Variants in ADGRV1 observed in about 807,000 individuals in gnomAD.
ADGRV1 encodes the protein adhesion G protein-coupled receptor V1.
ADGRV1 carries 359 observed loss-of-function variants against 596.2 expected under a neutral mutation model. The ratio of observed to expected loss-of-function variants is 0.60; its 90% CI spans 0.55 to 0.66. The LOEUF (loss-of-function observed/expected upper bound fraction) is 0.66, where lower values mean the gene tolerates loss of function less well. Ranked by LOEUF, ADGRV1 falls within the 30% of genes least tolerant of loss-of-function variation. The pLI is 0.00. For missense variants in ADGRV1, 7,274 were observed against 7,575.6 expected (o/e 0.96, Z 1.48); for synonymous variants, 2,681 against 2,679.2 (o/e 1.00, Z -0.02).
At chr5:90,695,959 A>G (rs910725843) in intron 33 of ADGRV1, among the ~76,000 whole-genome samples, 6 of 152,190 alleles carry the variant, frequency 3.9e-5, no homozygotes, top group Non-Finnish European at 8.8e-5. Flanking sequence ...AGCATTATAT[A>G]AATTACCATT....
At chr5:90,612,592 G>A (rs1168338899) in intron 1 of ADGRV1, among the ~76,000 whole-genome samples, 2 of 151,916 alleles carry the variant, frequency 1.3e-5, no homozygotes, top group Non-Finnish European at 2.9e-5. Flanking sequence ...TGCTATGCTC[G>A]CCTTCTTCAT....
chr5:91,002,051 T>G (rs10942623), intron 85 of ADGRV1, among the ~76,000 whole-genome samples: 92,910 of 151,984 alleles, frequency 0.61, 29,120 homozygotes, highest in African/African-American at 0.75. Context: ...TTCCATTTAG[T>G]TAAATTTTTT....
intron 83 of ADGRV1, among the ~76,000 whole-genome samples, chr5:90,865,160 G>A (rs1345595914): frequency 2.0e-5 from 3 of 152,058 alleles, no homozygotes; most frequent in African/African-American, 7.2e-5. Flanking sequence ...AAGGCCCTAT[G>A]AGCTATGAGA....
At chr5:91,161,537 A>G (rs1443084546) in intron 89 of ADGRV1, among the ~76,000 whole-genome samples, 3 of 137,950 alleles carry the variant, frequency 2.2e-5, no homozygotes, top group African/African-American at 7.8e-5. Context: ...AAGAGAAACC[A>G]GAAATCTGAT....
rs757541691 is a variant in ADGRV1 at position 90,681,460 on chromosome 5, T to C, written c.5664+6T>C. The C allele has an allele frequency of 6.2e-7, 1 of 1,603,878 alleles. No homozygotes were observed. The highest frequency in any genetic ancestry group is 1.3e-5 in the African/African-American group (1 of 74,676). ...ATAGCACTGTTACATTAAATGTGAG[T>C]ACCTTTTCTTCCTTCATTCCTAGAC... On this transcript the variant is annotated splice_donor_region_variant and intron_variant, in intron 27 of 89. Transcript: ENST00000405460.
intron 83 of ADGRV1, among the ~76,000 whole-genome samples, chr5:90,876,087 A>G (rs1169560087): frequency 6.6e-6 from 1 of 152,016 alleles, no homozygotes; most frequent in East Asian, 1.9e-4. Context: ...TGATTAATCT[A>G]CTCTTAGTTT....
chr5:90,757,261 A>T, intron 57 of ADGRV1, 100 bp downstream of exon 57: 1 of 854,140 alleles, frequency 1.2e-6, no homozygotes, highest in Non-Finnish European at 1.9e-6. Flanking sequence ...TAAATGCATT[A>T]TACTCTAAAT....
chr5:90,973,328 G>A (rs1473578819), intron 84 of ADGRV1, among the ~76,000 whole-genome samples: 7 of 152,184 alleles, frequency 4.6e-5, no homozygotes, highest in African/African-American at 1.7e-4. Flanking sequence ...CAGAAAAAGA[G>A]GGAATCCTCC....
intron 85 of ADGRV1, among the ~76,000 whole-genome samples, chr5:91,042,965 T>G (rs1423449392): frequency 6.6e-6 from 1 of 152,026 alleles, no homozygotes; most frequent in Non-Finnish European, 1.5e-5. Flanking sequence ...ACAAACAAGC[T>G]ATATTTCGAG....
At chr5:90,801,462 A>G (rs1761363404) in intron 70 of ADGRV1, among the ~76,000 whole-genome samples, 1 of 152,072 alleles carries the variant, frequency 6.6e-6, no homozygotes, top group Non-Finnish European at 1.5e-5. Flanking sequence ...AGTGACTTTC[A>G]TGGGGGGAGG....
intron 85 of ADGRV1, among the ~76,000 whole-genome samples, chr5:91,012,912 C>T (rs1782842943): frequency 6.6e-6 from 1 of 151,924 alleles, no homozygotes; most frequent in Non-Finnish European, 1.5e-5. Flanking sequence ...GTCTGTTGTT[C>T]CCTTCTTTGT....
intron 83 of ADGRV1, among the ~76,000 whole-genome samples, chr5:90,920,139 C>T (rs2150734816): frequency 6.6e-6 from 1 of 152,210 alleles, no homozygotes; most frequent in Middle Eastern, 3.4e-3. Context: ...GCTCTGGAGA[C>T]TGGGAAGTTC....
intron 83 of ADGRV1, among the ~76,000 whole-genome samples, chr5:90,934,294 C>T (rs1281705796): frequency 6.6e-6 from 1 of 152,154 alleles, no homozygotes; most frequent in African/African-American, 2.4e-5. Context: ...GATGTCTTCC[C>T]TGGGCGGTGA....
intron 83 of ADGRV1, among the ~76,000 whole-genome samples, chr5:90,864,803 A>C (rs1210862257): frequency 6.6e-6 from 1 of 152,196 alleles, no homozygotes. Context: ...AAATTAAAAA[A>C]TCCCACTTTT....
intron 83 of ADGRV1, among the ~76,000 whole-genome samples, chr5:90,948,981 C>T (rs1340069333): frequency 6.6e-6 from 1 of 152,016 alleles, no homozygotes; most frequent in African/African-American, 2.4e-5. Context: ...TAGTAAACAA[C>T]TCAGGTGTCC....
At chr5:90,971,506 G>A (rs149218182) in intron 84 of ADGRV1, among the ~76,000 whole-genome samples, 1,714 of 152,268 alleles carry the variant, frequency 0.011, 42 homozygotes, top group African/African-American at 0.04. Flanking sequence ...AGATCTCTCC[G>A]CAGAAACTCT....
chr5:90,716,796 G>A lies in ADGRV1; in HGVS notation c.9447+67G>A, dbSNP rs538765377. On this transcript the variant is annotated intron_variant, in intron 43 of 89. Coordinates refer to ENST00000405460, the MANE Select transcript of ADGRV1 (RefSeq NM_032119.4). The stretch of plus-strand genomic sequence containing the variant: ...ATATTTACAAAATAAATTTCTCTTA[G>A]ATGAGCACTCAAGTCCTAGAATGAA... The A allele has an allele frequency of 2.3e-5, 29 of 1,255,268 alleles. No individual in the cohort carries two copies. The African/African-American group carries it at 4.3e-4, about 19-fold the overall frequency. The allele number at this position is 1,255,268 out of a possible 1,614,324, so 77.8% of individuals were successfully genotyped here.
intron 85 of ADGRV1, among the ~76,000 whole-genome samples, chr5:91,038,204 C>T (rs908532180): frequency 6.6e-6 from 1 of 152,100 alleles, no homozygotes; most frequent in African/African-American, 2.4e-5. Flanking sequence ...TGAAGGAACC[C>T]TGTATTATTA....
chr5:90,791,881 G>C (rs1389039479), intron 70 of ADGRV1: 3 of 153,266 alleles, frequency 2.0e-5, no homozygotes, highest in Non-Finnish European at 4.4e-5. Flanking sequence ...GATCTGGGGT[G>C]GGTGATCAGA....
Sources: allele counts gnomAD v4.1 joint callset (sites outside exome capture counted in the v4.1 genomes callset), GRCh38; gene constraint gnomAD v4.1.1; transcripts MANE v1.5; gene names NCBI Gene and HGNC (gene_info 2026-07-23, HGNC 2026-07-21).